Variants in ZNF780A observed in about 807,000 individuals in gnomAD.
The protein encoded by ZNF780A is zinc finger protein 780A.
ZNF780A carries 40 observed loss-of-function variants against 56.7 expected under a neutral mutation model. The observed-to-expected ratio is 0.71, with a 90% CI of 0.55 to 0.92. The LOEUF (loss-of-function observed/expected upper bound fraction) is 0.92. Among genes scored for constraint, ZNF780A ranks in the 40% least tolerant of loss-of-function variants. The pLI, the probability that ZNF780A is intolerant of heterozygous loss-of-function variation, is 0.00. For synonymous variants in ZNF780A, 231 were observed against 248.3 expected, an observed-to-expected ratio of 0.93 and a Z score of 0.66; for missense variants, 672 against 783.3, an observed-to-expected ratio of 0.86 and a Z score of 1.70.
intron 5 of ZNF780A, among the ~76,000 whole-genome samples, chr19:40,080,902 A>C (rs758733777): frequency 7.2e-5 from 11 of 152,178 alleles, no homozygotes; most frequent in Non-Finnish European, 1.3e-4. Context: ...GATAGAATGA[A>C]ACCAGACCCC....
intron 2 of ZNF780A, among the ~76,000 whole-genome samples, chr19:40,089,032 T>C (rs140188259): frequency 2.0e-5 from 3 of 152,222 alleles, no homozygotes; most frequent in African/African-American, 7.2e-5. Flanking sequence ...GAGGGCAGTG[T>C]TGACTGGGGA....
chr19:40,089,333 C>G, intron 2 of ZNF780A: 3 of 1,329,804 alleles, frequency 2.3e-6, no homozygotes, highest in Non-Finnish European at 2.9e-6. Flanking sequence ...AATTTCTGTC[C>G]TAGATCATTT....
At position 40,074,616 on chromosome 19, in the gene ZNF780A, C is replaced by A. The variant is rs376085393; in HGVS notation, c.1826G>T (p.Gly609Val). ...TTCCTTACATTCAAAGGGTTTCTCA[C>A]CAGTATGCAATTTCTGATGTCGAAT... ...QLIRHQKLHT[G>V]EKPFECKECG... is the part of the protein sequence containing the mutation. The change falls in exon 6 of 6, where the codon GGT (glycine) becomes GTT (valine). Residue 609 changes from glycine (G) to valine (V), a missense_variant. Coordinates refer to ENST00000683561, the MANE Select transcript of ZNF780A (RefSeq NM_001142578.2). 2.5e-6 allele frequency: 4 copies of A among 1,613,524 alleles called. No individual in the cohort carries two copies. The African/African-American group carries it at 5.3e-5, about 22-fold the overall frequency.
chr19:40,085,348 A>G (rs1326569179), intron 2 of ZNF780A: 1 of 985,250 alleles, frequency 1.0e-6, no homozygotes, highest in African/African-American at 1.7e-5. Context: ...TGGTTAATAC[A>G]GTTCAGAACA....
At chr19:40,072,706 G>T, downstream of ZNF780A, 1 of 1,115,554 alleles carries the variant, frequency 9.0e-7, no homozygotes, top group Non-Finnish European at 1.1e-6. Context: ...TTCTAGGTCA[G>T]TGGCTCTCTA....
At chr19:40,087,238 G>C (rs1353995452) in intron 2 of ZNF780A, among the ~76,000 whole-genome samples, 1 of 152,128 alleles carries the variant, frequency 6.6e-6, no homozygotes, top group Non-Finnish European at 1.5e-5. Flanking sequence ...CTGGACTACA[G>C]TTTTTCACCC....
At chr19:40,083,861 CAGGGCCTCTA>C (rs754436360) in intron 3 of ZNF780A, among the ~76,000 whole-genome samples, 77 of 151,890 alleles carry the variant, frequency 5.1e-4, no homozygotes, top group Non-Finnish European at 9.7e-4. Flanking sequence ...TGAGGATGGC[CAGGGCCTCTA>C]AGGATTTCCC....
downstream of ZNF780A, chr19:40,072,774 T>C (rs1470422214): frequency 3.7e-6 from 5 of 1,361,352 alleles, no homozygotes; most frequent in Non-Finnish European, 4.7e-6. Flanking sequence ...AGGCCCAGAA[T>C]TATAAGCTAG....
intron 4 of ZNF780A, 24 bp from the exon 5 acceptor site, chr19:40,081,938 T>C (rs59502139): frequency 0.049 from 75,786 of 1,557,290 alleles, 3,399 homozygotes; most frequent in African/African-American, 0.19. Flanking sequence ...ACGACACATG[T>C]AGAATTTTTT....
chr19:40,088,652 T>C (rs1323980000), intron 2 of ZNF780A, among the ~76,000 whole-genome samples: 1 of 152,174 alleles, frequency 6.6e-6, no homozygotes, highest in African/African-American at 2.4e-5. Flanking sequence ...ACTGGGAATA[T>C]ATCTCCAAAG....
chr19:40,079,658 G>C (rs1974360132), intron 5 of ZNF780A, among the ~76,000 whole-genome samples: 1 of 152,128 alleles, frequency 6.6e-6, no homozygotes, highest in Non-Finnish European at 1.5e-5. Flanking sequence ...GGAATAGAAT[G>C]AGAAATCAGT....
At position 40,076,193 on chromosome 19, in the gene ZNF780A, A is replaced by G. The variant is rs779008898; in HGVS notation, c.249T>C (p.Tyr83=). 3 of 1,556,938 alleles carry G rather than the reference A, an allele frequency of 1.9e-6. No homozygotes were observed. Among genetic ancestry groups the G allele is most frequent in the Non-Finnish European group, 8.6e-7 (1 of 1,158,020 alleles). The change falls in exon 6 of 6, where the codon TAT becomes TAC. Residue 83 remains tyrosine (Y), a synonymous_variant. Coordinates refer to ENST00000683561, the MANE Select transcript of ZNF780A (RefSeq NM_001142578.2). ...SRRYPDLELK[Y]GPEKVSPEND... The stretch of plus-strand genomic sequence containing the variant: ...TTTCTGGAGATACTTTCTCAGGTCC[A>G]TATTTTAACTCCAAATCTGAAAGAA...
At chr19:40,077,326 C>T (rs757401052) in intron 5 of ZNF780A, among the ~76,000 whole-genome samples, 3 of 152,166 alleles carry the variant, frequency 2.0e-5, no homozygotes, top group African/African-American at 7.2e-5. Context: ...ATCTTCTCAG[C>T]TTCTGGGGAG....
intron 5 of ZNF780A, among the ~76,000 whole-genome samples, chr19:40,081,361 C>G (rs1160050659): frequency 6.6e-6 from 1 of 151,836 alleles, no homozygotes; most frequent in Non-Finnish European, 1.5e-5. Flanking sequence ...GGTGAAACCC[C>G]ATCTCTACTA....
Position 40,074,666 on chromosome 19 carries a change from T to C in ZNF780A, c.1776A>G (p.Lys592=). Residue 592 remains lysine (K), a synonymous_variant, in exon 6 of 6, where the codon AAA becomes AAG. Transcript: ENST00000683561. ...EKPFECKECG[K]AFRLHMQLIR... ...TAAGTTGCATATGAAGTCGAAAGGC[T>C]TTCCCACACTCCTTACATTCAAAGG... 1.9e-6 allele frequency: 3 copies of C among 1,612,272 alleles called. No homozygotes were observed. Among genetic ancestry groups the C allele is most frequent in the African/African-American group, 1.3e-5 (1 of 74,570 alleles).
At chr19:40,085,535 T>C (rs1270520395) in intron 2 of ZNF780A, among the ~76,000 whole-genome samples, 1 of 152,188 alleles carries the variant, frequency 6.6e-6, no homozygotes, top group East Asian at 1.9e-4. Flanking sequence ...ATTATATACA[T>C]GTTAAGAGTT....
intron 1 of ZNF780A, 38 bp from the exon 2 acceptor site, chr19:40,090,273 T>C (rs1281792660): frequency 6.6e-6 from 1 of 152,100 alleles, no homozygotes; most frequent in Non-Finnish European, 1.5e-5. Context: ...CTCCAGGCAT[T>C]TCTTGGAGCG....
chr19:40,085,227 A>G (rs1974729263), intron 2 of ZNF780A: 2 of 985,300 alleles, frequency 2.0e-6, no homozygotes, highest in Non-Finnish European at 1.2e-6. Flanking sequence ...TGAAATCAGG[A>G]TTGGGTGCAG....
At chr19:40,085,964 A>G (rs337801) in intron 2 of ZNF780A, among the ~76,000 whole-genome samples, 32,183 of 151,248 alleles carry the variant, frequency 0.21, 6,173 homozygotes, top group African/African-American at 0.52. Context: ...GTATATATAT[A>G]TGTGTGTGTG....
Sources: allele counts gnomAD v4.1 joint callset (sites outside exome capture counted in the v4.1 genomes callset), GRCh38; gene constraint gnomAD v4.1.1; transcripts MANE v1.5; gene names NCBI Gene and HGNC (gene_info 2026-07-23, HGNC 2026-07-21).